The following ADGRL3 variants were observed in gnomAD, a reference collection of about 807,000 sequenced individuals.
ADGRL3 encodes the protein adhesion G protein-coupled receptor L3.
ADGRL3 carries 62 observed loss-of-function variants against 153.5 expected under a neutral mutation model. The observed-to-expected ratio is 0.40, with a 90% CI of 0.33 to 0.50. The LOEUF is 0.50. Ranked by LOEUF, ADGRL3 falls within the 20% of genes least tolerant of loss-of-function variation. The probability of loss-of-function intolerance (pLI) is 0.47; values close to 1 mark genes in which losing one functional copy is unlikely to be tolerated. For missense variants in ADGRL3, 1,641 were observed against 1,859.4 expected (o/e 0.88, Z 2.16); for synonymous variants, 710 against 672.5 (o/e 1.06, Z -0.86).
intron 21 of ADGRL3, among the ~76,000 whole-genome samples, chr4:62,010,995 C>T (rs1046688876): frequency 1.1e-4 from 16 of 151,964 alleles, no homozygotes; most frequent in African/African-American, 2.7e-4. Context: ...GAATCTCATG[C>T]GCTATAGGTA....
At chr4:61,686,357 T>G (rs1003705219) in intron 6 of ADGRL3, among the ~76,000 whole-genome samples, 6 of 152,132 alleles carry the variant, frequency 3.9e-5, no homozygotes, top group Non-Finnish European at 7.4e-5. Context: ...ATAAAACTGT[T>G]CTAAATAAAT....
intron 9 of ADGRL3, among the ~76,000 whole-genome samples, chr4:61,863,028 A>G (rs2098359457): frequency 1.3e-5 from 2 of 152,188 alleles, no homozygotes; most frequent in South Asian, 4.1e-4. Context: ...CTTGGATTTC[A>G]GAAACCAGGG....
chr4:61,353,251 A>G (rs76882564), intron 1 of ADGRL3, among the ~76,000 whole-genome samples: 7,056 of 152,234 alleles, frequency 0.046, 396 homozygotes, highest in African/African-American at 0.12. Flanking sequence ...GTATACTCGC[A>G]TATATATGCT....
At chr4:61,937,660 C>T (rs1283762093) in intron 15 of ADGRL3, among the ~76,000 whole-genome samples, 1 of 151,616 alleles carries the variant, frequency 6.6e-6, no homozygotes, top group African/African-American at 2.4e-5. Flanking sequence ...TTTAATCTTC[C>T]TGCTTATTGC....
At chr4:61,750,932 C>T (rs1032883314) in intron 8 of ADGRL3, among the ~76,000 whole-genome samples, 5 of 152,126 alleles carry the variant, frequency 3.3e-5, no homozygotes, top group Non-Finnish European at 7.3e-5. Flanking sequence ...TCCTCCGTAG[C>T]GGTCTGTGGC....
chr4:61,625,514 T>TA (rs1277345237), intron 5 of ADGRL3, among the ~76,000 whole-genome samples: 2 of 152,108 alleles, frequency 1.3e-5, no homozygotes, highest in Non-Finnish European at 2.9e-5. Context: ...ATACATTCGT[T>TA]ACGTTGCTAA....
chr4:61,674,363 G>A (rs745606993), intron 5 of ADGRL3, among the ~76,000 whole-genome samples: 8 of 151,404 alleles, frequency 5.3e-5, no homozygotes, highest in Non-Finnish European at 1.0e-4. Flanking sequence ...TGTTTATATC[G>A]TACATTGATT....
chr4:61,912,802 C>G (rs1204000685), intron 13 of ADGRL3, 45 bp downstream of exon 13: 7 of 1,561,036 alleles, frequency 4.5e-6, no homozygotes, highest in Non-Finnish European at 6.2e-6. Context: ...TTGAATGTCT[C>G]TGTTGTGATG....
At chr4:61,432,647 TTTC>T (rs2097383251) in intron 2 of ADGRL3, among the ~76,000 whole-genome samples, 1 of 40,120 alleles carries the variant, frequency 2.5e-5, no homozygotes, top group Non-Finnish European at 5.8e-5. Context: ...TCTTTCTTTC[TTTC>T]TTTCTTTTTT....
intron 6 of ADGRL3, among the ~76,000 whole-genome samples, chr4:61,720,968 A>G (rs2096232557): frequency 1.3e-5 from 2 of 152,162 alleles, no homozygotes; most frequent in African/African-American, 2.4e-5. Flanking sequence ...AATGGTGACA[A>G]TCATCTCAGC....
chr4:61,755,356 T>C (rs1006864733), intron 8 of ADGRL3, among the ~76,000 whole-genome samples: 14 of 152,216 alleles, frequency 9.2e-5, no homozygotes, highest in Admixed American at 2.6e-4. Context: ...GATTTGCATT[T>C]CTCTGATGGC....
chr4:61,595,159 C>T (rs1168794411), intron 5 of ADGRL3, among the ~76,000 whole-genome samples: 2 of 152,174 alleles, frequency 1.3e-5, no homozygotes, highest in Non-Finnish European at 2.9e-5. Context: ...GCTACCCTAT[C>T]CCACTGTGGC....
chr4:61,271,953 C>T (rs558362058), intron 1 of ADGRL3, among the ~76,000 whole-genome samples: 1 of 152,084 alleles, frequency 6.6e-6, no homozygotes, highest in East Asian at 1.9e-4. Context: ...AAATGTAGTT[C>T]TTTAACAAAG....
chr4:61,585,330 A>G (rs1261929125), intron 4 of ADGRL3, among the ~76,000 whole-genome samples: 1 of 152,028 alleles, frequency 6.6e-6, no homozygotes, highest in African/African-American at 2.4e-5. Context: ...TGAGGTAAAA[A>G]CCAACACCAC....
chr4:61,867,515 CATATATATATATATATATAT>C (rs3065826), intron 9 of ADGRL3, among the ~76,000 whole-genome samples: 2 of 81,140 alleles, frequency 2.5e-5, no homozygotes, highest in Admixed American at 1.3e-4. Context: ...AATATATATG[CATATATATATATATATATAT>C]ATATAATTGT....
intron 6 of ADGRL3, among the ~76,000 whole-genome samples, chr4:61,683,022 C>A (rs2095369497): frequency 6.6e-6 from 1 of 151,852 alleles, no homozygotes. Context: ...GCACACTGAT[C>A]CAAAGTGGCT....
At chr4:61,422,456 A>G (rs1247681231) in intron 2 of ADGRL3, among the ~76,000 whole-genome samples, 2 of 152,180 alleles carry the variant, frequency 1.3e-5, no homozygotes, top group African/African-American at 2.4e-5. Context: ...CAAACATGCC[A>G]TGTTTATGCA....
chr4:61,699,045 G>A (rs761014505), intron 6 of ADGRL3, among the ~76,000 whole-genome samples: 9 of 152,216 alleles, frequency 5.9e-5, no homozygotes, highest in Non-Finnish European at 7.4e-5. Context: ...GTTGTATTTG[G>A]TAACATCTTT....
chr4:61,251,214 C>G lies in ADGRL3; in HGVS notation c.-240+49449C>G, dbSNP rs566868062. Among the ~76,000 whole-genome samples the G allele has an allele frequency of 3.9e-5, 6 of 152,218 alleles. No homozygotes were observed. The South Asian group carries it at 1.2e-3, about 32-fold the overall frequency. ...CAGAGTGGGCCTCAGACGTCTGGGG[C>G]CTGGAATCATCTGGAGGCTCTTTCA... On this transcript the variant is annotated intron_variant, in intron 1 of 26. Coordinates refer to ENST00000683033, the MANE Select transcript of ADGRL3 (RefSeq NM_001387552.1).
Sources: gnomAD v4.1 joint callset for allele counts (sites outside exome capture counted in the v4.1 genomes callset) on GRCh38, gnomAD v4.1.1 for gene constraint, MANE v1.5 for transcripts, NCBI Gene and HGNC (gene_info 2026-07-23, HGNC 2026-07-21) for gene names.